Variants in NKAIN2 observed in about 807,000 individuals in gnomAD.
The protein encoded by NKAIN2 is sodium/potassium-transporting ATPase subunit beta-1-interacting protein 2.
Under a neutral mutation model 32.6 loss-of-function variants are expected in NKAIN2, and 14 were observed. That is an observed-to-expected ratio of 0.43 (90% CI 0.28 to 0.67). NKAIN2 has a LOEUF of 0.67. Ranked by LOEUF, NKAIN2 falls within the 30% of genes least tolerant of loss-of-function variation. The pLI, the probability that NKAIN2 is intolerant of heterozygous loss-of-function variation, is 0.17. For missense variants in NKAIN2, 198 were observed against 258.3 expected, an observed-to-expected ratio of 0.77 and a Z score of 1.60; for synonymous variants, 80 against 87.2, an observed-to-expected ratio of 0.92 and a Z score of 0.46.
intron 1 of NKAIN2, among the ~76,000 whole-genome samples, chr6:124,135,300 G>T (rs1241549397): frequency 2.6e-5 from 4 of 151,688 alleles, no homozygotes; most frequent in South Asian, 4.2e-4. Flanking sequence ...AATGTAAATG[G>T]CCTAAATGCT....
chr6:124,576,736 C>A (rs532097765), intron 3 of NKAIN2, among the ~76,000 whole-genome samples: 229 of 152,138 alleles, frequency 1.5e-3, no homozygotes, highest in African/African-American at 5.4e-3. Flanking sequence ...AATATTGGCA[C>A]GTTCCAAATA....
intron 1 of NKAIN2, among the ~76,000 whole-genome samples, chr6:123,963,329 AATT>A (rs1213028240): frequency 6.6e-6 from 1 of 152,198 alleles, no homozygotes; most frequent in Non-Finnish European, 1.5e-5. Flanking sequence ...TCACGAGAAA[AATT>A]AAAGTGTCTT....
chr6:124,319,633 C>CTTTTATTTGCTTAGCA (rs1360683892), intron 2 of NKAIN2, among the ~76,000 whole-genome samples: 1 of 152,024 alleles, frequency 6.6e-6, no homozygotes, highest in South Asian at 2.1e-4. Flanking sequence ...CTTTTCATGA[C>CTTTTATTTGCTTAGCA]CTCCAGTAAC....
At chr6:124,128,104 C>T (rs1444613922) in intron 1 of NKAIN2, among the ~76,000 whole-genome samples, 2 of 152,178 alleles carry the variant, frequency 1.3e-5, no homozygotes, top group African/African-American at 2.4e-5. Flanking sequence ...GCTGGGATTA[C>T]AGGCGTGAGC....
At chr6:123,897,632 A>T (rs1444241307) in intron 1 of NKAIN2, among the ~76,000 whole-genome samples, 1 of 151,962 alleles carries the variant, frequency 6.6e-6, no homozygotes, top group Admixed American at 6.6e-5. Context: ...GATTAATTAT[A>T]TATCTGTTAT....
chr6:124,155,440 T>C (rs1422455369), intron 1 of NKAIN2, among the ~76,000 whole-genome samples: 1 of 151,930 alleles, frequency 6.6e-6, no homozygotes, highest in Admixed American at 6.6e-5. Flanking sequence ...AATTATTATA[T>C]GTCAATTAAA....
intron 3 of NKAIN2, among the ~76,000 whole-genome samples, chr6:124,401,361 G>A (rs931179205): frequency 2.0e-5 from 3 of 152,074 alleles, no homozygotes; most frequent in African/African-American, 7.2e-5. Context: ...TGCAAACTAT[G>A]GCTCGCCATC....
chr6:124,689,131 C>G (rs1050666831), intron 4 of NKAIN2, among the ~76,000 whole-genome samples: 27 of 152,112 alleles, frequency 1.8e-4, no homozygotes, highest in African/African-American at 6.5e-4. Flanking sequence ...CACATCCTTG[C>G]CAGCATTTGA....
At chr6:124,407,854 C>T (rs1309502281) in intron 3 of NKAIN2, among the ~76,000 whole-genome samples, 1 of 148,542 alleles carries the variant, frequency 6.7e-6, no homozygotes, top group African/African-American at 2.4e-5. Flanking sequence ...CTCTCCAGCA[C>T]CTGTTGTTTC....
chr6:124,156,471 A>G (rs1787993236), intron 1 of NKAIN2, among the ~76,000 whole-genome samples: 1 of 152,134 alleles, frequency 6.6e-6, no homozygotes, highest in African/African-American at 2.4e-5. Context: ...TCATATAGCC[A>G]TCTGGGGAAA....
chr6:123,961,323 T>C (rs1777840709), intron 1 of NKAIN2, among the ~76,000 whole-genome samples: 1 of 152,208 alleles, frequency 6.6e-6, no homozygotes, highest in Admixed American at 6.5e-5. Context: ...ATTCATTAAA[T>C]ACTTTTGCAG....
chr6:124,187,749 AT>A (rs1789817084), intron 1 of NKAIN2, among the ~76,000 whole-genome samples: 1 of 151,970 alleles, frequency 6.6e-6, no homozygotes, highest in African/African-American at 2.4e-5. Context: ...GCAACTCTCT[AT>A]TTTCAAGTTC....
chr6:123,928,996 T>G (rs1020317646), intron 1 of NKAIN2, among the ~76,000 whole-genome samples: 3 of 152,080 alleles, frequency 2.0e-5, no homozygotes, highest in African/African-American at 7.2e-5. Context: ...AGCAGAAACA[T>G]TAAAAAACTC....
At chr6:124,319,650 T>C (rs964007706) in intron 2 of NKAIN2, among the ~76,000 whole-genome samples, 18 of 152,098 alleles carry the variant, frequency 1.2e-4, no homozygotes, top group African/African-American at 4.1e-4. Flanking sequence ...TAACTGCGAG[T>C]GCTAAAATGT....
intron 3 of NKAIN2, among the ~76,000 whole-genome samples, chr6:124,533,471 C>CAAGAAA (rs1491202202): frequency 8.5e-5 from 5 of 58,982 alleles, no homozygotes; most frequent in African/African-American, 3.5e-4. Flanking sequence ...GACTCTGTCT[C>CAAGAAA]AAAAAAAAAA....
At chr6:124,595,771 TAAG>T (rs1287390810) in intron 3 of NKAIN2, among the ~76,000 whole-genome samples, 2 of 152,160 alleles carry the variant, frequency 1.3e-5, no homozygotes. Context: ...CTACAAATAT[TAAG>T]TAGTGCAGCG....
chr6:124,672,678 C>G (rs945894772), intron 4 of NKAIN2, among the ~76,000 whole-genome samples: 1 of 151,814 alleles, frequency 6.6e-6, no homozygotes, highest in African/African-American at 2.4e-5. Flanking sequence ...GACAATGAGG[C>G]TGTGTGGAAT....
At chr6:124,753,816 A>C (rs1427467816) in intron 4 of NKAIN2, among the ~76,000 whole-genome samples, 1 of 152,090 alleles carries the variant, frequency 6.6e-6, no homozygotes, top group Non-Finnish European at 1.5e-5. Flanking sequence ...TTAAGCACAG[A>C]AAAATTCATG....
intron 1 of NKAIN2, among the ~76,000 whole-genome samples, chr6:123,919,543 G>C (rs886256912): frequency 6.6e-6 from 1 of 152,136 alleles, no homozygotes; most frequent in Non-Finnish European, 1.5e-5. Context: ...CATTGGGATA[G>C]TTCTACTGCA....
Sources: gnomAD v4.1 joint callset for allele counts (sites outside exome capture counted in the v4.1 genomes callset) on GRCh38, gnomAD v4.1.1 for gene constraint, MANE v1.5 for transcripts, NCBI Gene and HGNC (gene_info 2026-07-23, HGNC 2026-07-21) for gene names.